Variants in GABBR1 observed in about 807,000 individuals in gnomAD.
GABBR1 encodes the protein gamma-aminobutyric acid type B receptor subunit 1, also known as GABA-B receptor, R1 subunit.
Under a neutral mutation model 117.7 loss-of-function variants are expected in GABBR1, and 35 were observed. The observed-to-expected ratio is 0.30, with a 90% CI of 0.23 to 0.39. GABBR1 has a LOEUF of 0.39. Ranked by LOEUF, GABBR1 falls within the 10% of genes least tolerant of loss-of-function variation. The pLI, the probability that GABBR1 is intolerant of heterozygous loss-of-function variation, is 1.00. For synonymous variants in GABBR1, 442 were observed against 486.6 expected, an observed-to-expected ratio of 0.91 and a Z score of 1.21; for missense variants, 709 against 1,241.8, an observed-to-expected ratio of 0.57 and a Z score of 6.45.
Position 29,623,766 on chromosome 6 carries a change from A to C in GABBR1, c.792+124T>G. Reference sequence around the variant, plus strand: ...GCTGCCTAGCTCAGGTCTGCAGAGGACTCTGAATCTTAGTAGCAGGTCCTC... The same window carrying C: ...GCTGCCTAGCTCAGGTCTGCAGAGGCCTCTGAATCTTAGTAGCAGGTCCTC... On this transcript the variant is annotated intron_variant, in intron 7 of 22. Transcript: ENST00000377034. The surrounding 1 kb of genome is among the most constrained non-coding windows in gnomAD (Gnocchi z 6.2). 1 of 1,172,066 alleles carries C rather than the reference A, an allele frequency of 8.5e-7. No individual in the cohort carries two copies. The highest frequency in any genetic ancestry group is 1.2e-6 in the Non-Finnish European group (1 of 831,534). 72.6% of individuals were successfully genotyped at this position (1,172,066 alleles called of 1,614,324 possible).
Position 29,631,429 on chromosome 6 carries a change from AGCCGTTG to A in GABBR1, c.249_255del (p.Asn84ProfsTer20). 6.2e-7 allele frequency: 1 copy of A among 1,614,092 alleles called. No individual in the cohort carries two copies. The highest frequency in any genetic ancestry group is 8.5e-7 in the Non-Finnish European group (1 of 1,180,032). On this transcript the variant is annotated frameshift_variant, in exon 3 of 23. Transcript: ENST00000377034. LOFTEE classifies it high-confidence loss of function. This position sits in a 1 kb window ranked among gnomAD's most constrained non-coding sequence, Gnocchi z 5.9. ...CTGGGTGTGTCCATATCTGTCCAGG[AGCCGTTG>A]GCCAGGCACTTGCGGACCTTGGGCC...
At position 29,604,566 on chromosome 6, in the gene GABBR1, G is replaced by C. The variant is rs757772275; in HGVS notation, c.2640C>G (p.Thr880=). ...GGGACTTCTCCTCCTCGTTGTTGTT[G>C]GTCGATGACCCTGTCTTCATGGTGT... is the stretch of plus-strand genomic sequence containing the variant. ...AQDTMKTGSS[T]NNNEEEKSRL... The change falls in exon 22 of 23, where the codon ACC becomes ACG. Residue 880 remains threonine, a synonymous_variant. Coordinates refer to ENST00000377034, the MANE Select transcript of GABBR1 (RefSeq NM_001470.4). This position sits in a 1 kb window ranked among gnomAD's most constrained non-coding sequence, Gnocchi z 5.3. 1 of 1,613,282 alleles carries C rather than the reference G, an allele frequency of 6.2e-7. No homozygotes were observed. Among genetic ancestry groups the C allele is most frequent in the South Asian group, 1.1e-5 (1 of 91,084 alleles).
chr6:29,619,828 T>A (rs899100046), intron 11 of GABBR1, among the ~76,000 whole-genome samples: 2 of 152,212 alleles, frequency 1.3e-5, no homozygotes, highest in Admixed American at 1.3e-4. Context: ...AGGAAAGTGA[T>A]CTTCCAAAAT....
At chr6:29,619,022 C>A (rs1049502276) in intron 11 of GABBR1, among the ~76,000 whole-genome samples, 1 of 152,222 alleles carries the variant, frequency 6.6e-6, no homozygotes, top group Non-Finnish European at 1.5e-5. Flanking sequence ...ACCAGTACAT[C>A]TGCATCCCCA....
Position 29,611,172 on chromosome 6 carries a change from A to G in GABBR1, c.1631-171T>C. ...ACGAGACTCTTGAATCAGCAACATG[A>G]CTTAAAAGCAATATAAGGTGGTTCC... On this transcript the variant is annotated intron_variant, in intron 13 of 22. Transcript: ENST00000377034. This position sits in a 1 kb window ranked among gnomAD's most constrained non-coding sequence, Gnocchi z 4.6. 1.8e-6 allele frequency: 1 copy of G among 568,876 alleles called. No individual in the cohort carries two copies. Among genetic ancestry groups the G allele is most frequent in the Non-Finnish European group, 3.1e-6 (1 of 319,560 alleles). The allele number at this position is 568,876 out of a possible 1,614,324, so 35.2% of individuals were successfully genotyped here.
chr6:29,606,849 T>C lies in GABBR1; in HGVS notation c.2217+48A>G. ...ACAGCCCCAGGGCCCTGATGGCCAC[T>C]GAGCCCTGCTCATTCTCCTGACCAT... On this transcript the variant is annotated intron_variant, in intron 18 of 22. Transcript: ENST00000377034. This position sits in a 1 kb window ranked among gnomAD's most constrained non-coding sequence, Gnocchi z 4.5. 1.3e-6 allele frequency: 2 copies of C among 1,522,576 alleles called. No individual in the cohort carries two copies. Among genetic ancestry groups the C allele is most frequent in the Non-Finnish European group, 9.1e-7 (1 of 1,098,234 alleles). 94.3% of individuals were successfully genotyped at this position (1,522,576 alleles called of 1,614,324 possible).
Position 29,622,441 on chromosome 6 carries a change from G to C in GABBR1, c.964-236C>G, listed in dbSNP as rs1047947819. On this transcript the variant is annotated intron_variant, in intron 8 of 22. Coordinates refer to ENST00000377034, the MANE Select transcript of GABBR1 (RefSeq NM_001470.4). This position sits in a 1 kb window ranked among gnomAD's most constrained non-coding sequence, Gnocchi z 4.6. ...GTGAGCCCCTGCTGAGGCTCTGTGT[G>C]GGGGAAGCCACTCCATTCACCCACT... is the stretch of plus-strand genomic sequence containing the variant. The C allele has an allele frequency of 5.5e-5, 30 of 543,648 alleles. No homozygotes were observed. Among genetic ancestry groups the C allele is most frequent in the Non-Finnish European group, 8.5e-5 (26 of 304,446 alleles). The allele number at this position is 543,648 out of a possible 1,614,324, so 33.7% of individuals were successfully genotyped here.
At chr6:29,616,779 A>T (rs1232996378) in intron 11 of GABBR1, among the ~76,000 whole-genome samples, 1 of 150,108 alleles carries the variant, frequency 6.7e-6, no homozygotes, top group African/African-American at 2.5e-5. Flanking sequence ...ACTTGAGCCC[A>T]GGAGGTCAAG....
chr6:29,623,929 C>A lies in GABBR1; in HGVS notation c.753G>T (p.Thr251=). ...ACATCCTAGCAGCCTCAGCCACCAG[C>A]GTGGAGACAGAGCTGCAGCCAGGCA... ...ILMPGCSSVS[T]LVAEAARMWN... is the part of the protein sequence containing the mutation. Residue 251 remains threonine (T), a synonymous_variant, in exon 7 of 23, where the codon ACG becomes ACT. Transcript: ENST00000377034. The surrounding 1 kb of genome is among the most constrained non-coding windows in gnomAD (Gnocchi z 6.2). 1.2e-6 allele frequency: 2 copies of A among 1,612,964 alleles called. No individual in the cohort carries two copies. Among genetic ancestry groups the A allele is most frequent in the East Asian group, 2.2e-5 (1 of 44,864 alleles).
In GABBR1 at chr6:29,627,793, G is replaced by A. The variant is rs1764472498; in HGVS notation, c.497-147C>T. 3 of 1,443,960 alleles carry A rather than the reference G, an allele frequency of 2.1e-6. No individual in the cohort carries two copies. The highest frequency in any genetic ancestry group is 1.8e-6 in the Non-Finnish European group (2 of 1,102,822). 89.4% of individuals were successfully genotyped at this position (1,443,960 alleles called of 1,614,324 possible). ...GGCAAAAGGGGCCCCGGGCCCCATG[G>A]CGTGGGGGGCAGGGGTAGCTGTTGG... On this transcript the variant is annotated intron_variant, in intron 5 of 22. Coordinates refer to ENST00000377034, the MANE Select transcript of GABBR1 (RefSeq NM_001470.4). The surrounding 1 kb of genome is among the most constrained non-coding windows in gnomAD (Gnocchi z 4.4).
intron 5 of GABBR1, chr6:29,628,024 G>T: frequency 7.8e-7 from 1 of 1,279,350 alleles, no homozygotes; most frequent in Admixed American, 4.3e-5. Context: ...GACCGACGGA[G>T]GGGAGGAGGA....
chr6:29,608,434 G>T, intron 16 of GABBR1, 167 bp downstream of exon 16: 1 of 681,518 alleles, frequency 1.5e-6, no homozygotes. Context: ...CAGAAAGAAG[G>T]GACAGAGCCA....
At chr6:29,619,824 G>C (rs1300931971) in intron 11 of GABBR1, among the ~76,000 whole-genome samples, 1 of 152,220 alleles carries the variant, frequency 6.6e-6, no homozygotes, top group Admixed American at 6.5e-5. Context: ...CTACAGGAAA[G>C]TGATCTTCCA....
chr6:29,617,353 G>A (rs182920199), intron 11 of GABBR1, among the ~76,000 whole-genome samples: 77 of 142,280 alleles, frequency 5.4e-4, no homozygotes, highest in Non-Finnish European at 9.4e-4. Context: ...CCAGGCTGGA[G>A]TGCAGTAGTG....
rs1460019017 is a variant in GABBR1 at position 29,605,528 on chromosome 6, T to C, written c.2439+41A>G. 3.7e-6 allele frequency: 6 copies of C among 1,607,688 alleles called. No homozygotes were observed. Among genetic ancestry groups the C allele is most frequent in the South Asian group, 2.2e-5 (2 of 90,686 alleles). On this transcript the variant is annotated intron_variant, in intron 20 of 22. Transcript: ENST00000377034. The surrounding 1 kb of genome is among the most constrained non-coding windows in gnomAD (Gnocchi z 4.2). The stretch of plus-strand genomic sequence containing the variant: ...CTAGTCCTCTATATCTGGGCTGCTG[T>C]GGTCAGCCTACAGGGTCAATGCCAT...
At position 29,632,149 on chromosome 6, in the gene GABBR1, C is replaced by A; in HGVS notation, c.85+152G>T. 2.0e-6 allele frequency: 1 copy of A among 490,938 alleles called. No homozygotes were observed. The highest frequency in any genetic ancestry group is 3.6e-6 in the Non-Finnish European group (1 of 275,524). The allele number at this position is 490,938 out of a possible 1,614,324, so 30.4% of individuals were successfully genotyped here. On this transcript the variant is annotated intron_variant, in intron 2 of 22. Transcript: ENST00000377034. This position sits in a 1 kb window ranked among gnomAD's most constrained non-coding sequence, Gnocchi z 5.8. Reference sequence around the variant, plus strand: ...GTAACGTGGGGTGACAGAAGGAGGTCAGCAGTAGTAAAGTCGGGCCGAGCA... The same window carrying A: ...GTAACGTGGGGTGACAGAAGGAGGTAAGCAGTAGTAAAGTCGGGCCGAGCA...
At position 29,632,441 on chromosome 6, in the gene GABBR1, C is replaced by T; in HGVS notation, c.1-56G>A. On this transcript the variant is annotated intron_variant, in intron 1 of 22. Transcript: ENST00000377034. The surrounding 1 kb of genome is among the most constrained non-coding windows in gnomAD (Gnocchi z 5.8). The stretch of plus-strand genomic sequence containing the variant: ...CGAGCCCCGCCGGCGCGGCCCGCAC[C>T]CGGAGACTACTCGACCTCTTGCCGG... The T allele has an allele frequency of 3.1e-6, 4 of 1,271,194 alleles. No homozygotes were observed. The highest frequency in any genetic ancestry group is 4.1e-6 in the Non-Finnish European group (4 of 976,948). The allele number at this position is 1,271,194 out of a possible 1,614,324, so 78.7% of individuals were successfully genotyped here.
intron 6 of GABBR1, among the ~76,000 whole-genome samples, chr6:29,625,398 G>A (rs17178021): frequency 1.3e-5 from 2 of 152,076 alleles, no homozygotes; most frequent in African/African-American, 4.8e-5. Context: ...GAACATATAA[G>A]ATACATATCA....
At chr6:29,628,984 A>G (rs1764674341) in intron 5 of GABBR1, 103 bp downstream of exon 5, 1 of 1,391,500 alleles carries the variant, frequency 7.2e-7, no homozygotes, top group Non-Finnish European at 1.0e-6. Flanking sequence ...AAGGTGCGAA[A>G]GGACGACGCC....
Sources: gnomAD v4.1 joint callset for allele counts (sites outside exome capture counted in the v4.1 genomes callset) on GRCh38, gnomAD v4.1.1 for gene constraint, Gnocchi (gnomAD v3.1) non-coding constraint, MANE v1.5 for transcripts, NCBI Gene and HGNC (gene_info 2026-07-23, HGNC 2026-07-21) for gene names.